Variants in PTPDC1 observed in about 807,000 individuals in gnomAD.
PTPDC1 encodes the protein protein tyrosine phosphatase domain containing 1, also known as protein tyrosine phosphatase domain-containing protein 1.
A neutral mutation model predicts 75.3 loss-of-function variants in PTPDC1; 53 were observed. The ratio of observed to expected loss-of-function variants is 0.70; its 90% CI spans 0.56 to 0.88. PTPDC1 has a LOEUF of 0.88. Among genes scored for constraint, PTPDC1 ranks in the 40% least tolerant of loss-of-function variants. The pLI is 0.00. For synonymous variants in PTPDC1, 349 were observed against 366.2 expected, an observed-to-expected ratio of 0.95 and a Z score of 0.54; for missense variants, 925 against 998.6, an observed-to-expected ratio of 0.93 and a Z score of 0.99.
rs1049910195 is a variant in PTPDC1, at chr9:94,109,731, C to G, written c.*1787C>G. On this transcript the variant is annotated 3_prime_UTR_variant, in exon 9 of 9. Coordinates refer to ENST00000620992, the MANE Select transcript of PTPDC1 (RefSeq NM_001253829.2). ...AACTTAGAGAACAGTTATGATGTGA[C>G]CATAGCATGGCACAACTAAAAATCT... is the stretch of plus-strand genomic sequence containing the variant. The G allele has an allele frequency of 2.6e-5, 4 of 151,924 alleles. No individual in the cohort carries two copies. The highest frequency in any genetic ancestry group is 2.0e-4 in the Admixed American group (3 of 15,238). 9.4% of individuals were successfully genotyped at this position (151,924 alleles called of 1,614,324 possible).
intron 1 of PTPDC1, among the ~76,000 whole-genome samples, chr9:94,062,900 C>G (rs971423274): frequency 1.3e-4 from 20 of 152,168 alleles, no homozygotes; most frequent in African/African-American, 4.8e-4. Context: ...CTAATATGGT[C>G]CATTTCAGTT....
chr9:94,098,338 C>T lies in PTPDC1; in HGVS notation c.1772C>T (p.Ser591Phe), dbSNP rs751230817. ...ACTCATGGTGTTGGGAGCCCTGGCT[C>T]TGTCAGGCAGAACAGCAGGACACCC... The part of the protein sequence containing the change: ...CKTHGVGSPG[S>F]VRQNSRTPRS... Residue 591 changes from serine (S) to phenylalanine (F), a missense_variant, in exon 6 of 9, where the codon TCT becomes TTT. Transcript: ENST00000620992. 2 of 1,614,194 alleles carry T rather than the reference C, an allele frequency of 1.2e-6. No individual in the cohort carries two copies. The highest frequency in any genetic ancestry group is 2.2e-5 in the South Asian group (2 of 91,072).
intron 4 of PTPDC1, among the ~76,000 whole-genome samples, chr9:94,094,084 CAA>C (rs1827435553): frequency 6.6e-6 from 1 of 152,254 alleles, no homozygotes; most frequent in Non-Finnish European, 1.5e-5. Context: ...CTCAGCTTGT[CAA>C]AGTCATTCTC....
intron 2 of PTPDC1, among the ~76,000 whole-genome samples, chr9:94,069,827 T>C (rs1023627165): frequency 4.8e-5 from 7 of 146,776 alleles, no homozygotes; most frequent in Non-Finnish European, 9.0e-5. Flanking sequence ...TACTTTCTTT[T>C]TTTTTTTTTT....
At chr9:94,039,382 TA>T (rs1332728531) in intron 1 of PTPDC1, among the ~76,000 whole-genome samples, 1 of 152,158 alleles carries the variant, frequency 6.6e-6, no homozygotes, top group African/African-American at 2.4e-5. Flanking sequence ...TTTTAAAATG[TA>T]GCATGAAAGT....
chr9:94,074,200 G>T (rs1826601988), intron 2 of PTPDC1, among the ~76,000 whole-genome samples: 1 of 152,148 alleles, frequency 6.6e-6, no homozygotes, highest in Admixed American at 6.5e-5. Flanking sequence ...CCAGGAGCCA[G>T]GTGAGTGTAT....
At chr9:94,067,467 A>G (rs1826350800) in intron 2 of PTPDC1, among the ~76,000 whole-genome samples, 1 of 152,096 alleles carries the variant, frequency 6.6e-6, no homozygotes, top group South Asian at 2.1e-4. Flanking sequence ...TATTTACTTG[A>G]TATCATCAAA....
chr9:94,052,222 A>C (rs1397478874), intron 1 of PTPDC1, among the ~76,000 whole-genome samples: 2 of 152,148 alleles, frequency 1.3e-5, no homozygotes, highest in African/African-American at 2.4e-5. Context: ...GAGACTTCTT[A>C]ATCTATGTGT....
At chr9:94,096,158 A>G (rs997518690) in intron 5 of PTPDC1, among the ~76,000 whole-genome samples, 3 of 152,136 alleles carry the variant, frequency 2.0e-5, no homozygotes, top group African/African-American at 7.2e-5. Context: ...TAGGGCTGAA[A>G]TTTTCATTGT....
chr9:94,097,874 AC>A lies in PTPDC1; in HGVS notation c.1312del (p.Leu438Ter). 1 of 1,614,012 alleles carries A rather than the reference AC, an allele frequency of 6.2e-7. No individual in the cohort carries two copies. The highest frequency in any genetic ancestry group is 1.3e-5 in the African/African-American group (1 of 74,972). On this transcript the variant is annotated frameshift_variant, in exon 6 of 9. Transcript: ENST00000620992. LOFTEE classifies it high-confidence loss of function. The stretch of plus-strand genomic sequence containing the variant: ...AAAGGCGGAATGTTGAGTGCCTTCA[AC>A]CCCTGACTCATCTGAAAAGGCGGCT... ...WKRRNVECLQ[P>X]LTHLKRRLSY... is the part of the protein sequence containing the mutation.
In PTPDC1 at chr9:94,084,555, C is replaced by A. The variant is rs370500898; in HGVS notation, c.25C>A (p.Arg9=). Residue 9 remains arginine (R), a synonymous_variant, in exon 1 of 9, where the codon CGG becomes AGG. Transcript: ENST00000620992. MQVQDATR[R]PSAVRFLSSF... ...CATGCAGGTGCAGGATGCAACCAGG[C>A]GGCCCTCAGCCGTGCGCTTCCTCAG... is the stretch of plus-strand genomic sequence containing the variant. The A allele has an allele frequency of 6.2e-7, 1 of 1,612,336 alleles. No individual in the cohort carries two copies. The highest frequency in any genetic ancestry group is 8.5e-7 in the Non-Finnish European group (1 of 1,179,968).
At chr9:94,044,196 G>T (rs1207248223) in intron 1 of PTPDC1, among the ~76,000 whole-genome samples, 1 of 152,118 alleles carries the variant, frequency 6.6e-6, no homozygotes, top group Non-Finnish European at 1.5e-5. Flanking sequence ...AAAATACCTG[G>T]CTGGGATTTC....
chr9:94,069,930 T>C (rs1255914006), intron 2 of PTPDC1, among the ~76,000 whole-genome samples: 8 of 150,486 alleles, frequency 5.3e-5, no homozygotes, highest in Non-Finnish European at 7.4e-5. Context: ...GTTCACGCCA[T>C]TCTCCTGCCT....
chr9:94,041,062 T>G (rs1295733896), intron 1 of PTPDC1, among the ~76,000 whole-genome samples: 5 of 152,336 alleles, frequency 3.3e-5, no homozygotes, highest in African/African-American at 1.2e-4. Context: ...GACTGATCTC[T>G]ACATCTTCCT....
upstream of PTPDC1, among the ~76,000 whole-genome samples, chr9:94,083,437 G>A (rs1826958583): frequency 6.6e-6 from 1 of 151,714 alleles, no homozygotes; most frequent in South Asian, 2.1e-4. Flanking sequence ...AAGGAGCTTG[G>A]TATAGCATTA....
intron 2 of PTPDC1, among the ~76,000 whole-genome samples, chr9:94,068,907 T>G (rs2117891949): frequency 6.6e-6 from 1 of 152,382 alleles, no homozygotes; most frequent in South Asian, 2.1e-4. Context: ...AATCCTTTAC[T>G]ATGATTTATT....
chr9:94,082,770 A>G (rs1211808781), upstream of PTPDC1, among the ~76,000 whole-genome samples: 2 of 152,158 alleles, frequency 1.3e-5, no homozygotes, highest in African/African-American at 4.8e-5. Flanking sequence ...AACTGGGGTA[A>G]GCTCAGTCAT....
At chr9:94,032,025 C>G (rs1829738105) in intron 1 of PTPDC1, among the ~76,000 whole-genome samples, 1 of 152,158 alleles carries the variant, frequency 6.6e-6, no homozygotes, top group Non-Finnish European at 1.5e-5. Flanking sequence ...TATTTGATCT[C>G]CACAACAAAG....
At chr9:94,086,970 A>G (rs1827095281) in intron 2 of PTPDC1, among the ~76,000 whole-genome samples, 4 of 152,238 alleles carry the variant, frequency 2.6e-5, no homozygotes, top group Non-Finnish European at 5.9e-5. Context: ...AAGACTTTAC[A>G]TCCACATCAT....
Sources: gnomAD v4.1 joint callset for allele counts (sites outside exome capture counted in the v4.1 genomes callset) on GRCh38, gnomAD v4.1.1 for gene constraint, MANE v1.5 for transcripts, NCBI Gene and HGNC (gene_info 2026-07-23, HGNC 2026-07-21) for gene names.